The following MAP3K4 variants were observed in gnomAD, a reference collection of about 807,000 sequenced individuals.
The protein encoded by MAP3K4 is mitogen-activated protein kinase kinase kinase 4, also known as MAP three kinase 1.
In MAP3K4, 67 loss-of-function variants were observed where a neutral mutation model predicts 185.6. The ratio of observed to expected loss-of-function variants is 0.36; its 90% confidence interval spans 0.30 to 0.44. The LOEUF (loss-of-function observed/expected upper bound fraction) is 0.44, where lower values mean the gene tolerates loss of function less well. MAP3K4 is among the 20% of genes least tolerant of loss of function. The probability of loss-of-function intolerance (pLI) is 1.00; values close to 1 mark genes in which losing one functional copy is unlikely to be tolerated. For synonymous variants in MAP3K4, 702 were observed against 710.4 expected, an observed-to-expected ratio of 0.99 and a Z score of 0.19; for missense variants, 1,551 against 1,995.1, an observed-to-expected ratio of 0.78 and a Z score of 4.24.
At position 161,096,998 on chromosome 6, in the gene MAP3K4, T is replaced by C. The variant is rs933047623; in HGVS notation, c.3428-82T>C. ...TCATTGGCCAGAATAAGTGACATTC[T>C]ATTTTCCATTTGACTGTTTGGTTTG... On this transcript the variant is annotated intron_variant, in intron 15 of 26. Coordinates refer to ENST00000392142, the MANE Select transcript of MAP3K4 (RefSeq NM_005922.4). This position sits in a 1 kb window ranked among gnomAD's most constrained non-coding sequence, Gnocchi z 4.9. The C allele has an allele frequency of 7.0e-6, 8 of 1,136,594 alleles. No individual in the cohort carries two copies. In the African/African-American group the frequency reaches 1.2e-4, roughly 17 times the overall value. 70.4% of individuals were successfully genotyped at this position (1,136,594 alleles called of 1,614,324 possible).
chr6:161,091,400 A>T lies in MAP3K4; in HGVS notation c.2995A>T (p.Asn999Tyr), dbSNP rs1187819652. The change falls in exon 12 of 27, where the codon AAC (asparagine) becomes TAC (tyrosine). Residue 999 changes from asparagine (N) to tyrosine (Y), a missense_variant. Asn to Tyr is a moderately radical substitution (Grantham distance 143). Around this residue, in one of 16 missense-constraint regions of MAP3K4, gnomAD observed 261 missense variants for 306.5 expected, o/e 0.85. Transcript: ENST00000392142. The surrounding 1 kb of genome is among the most constrained non-coding windows in gnomAD (Gnocchi z 5.5). Reference sequence around the variant, plus strand: ...TCAGAATGATGCATTGGAGCTATGCAACAGGATAAGCAATGCCATTGACCG... The same window carrying T: ...TCAGAATGATGCATTGGAGCTATGCTACAGGATAAGCAATGCCATTGACCG... The part of the protein sequence containing the change: ...QLKNDALELC[N>Y]RISNAIDRVD... The T allele has an allele frequency of 2.5e-6, 4 of 1,613,958 alleles. No homozygotes were observed. Among genetic ancestry groups the T allele is most frequent in the Non-Finnish European group, 3.4e-6 (4 of 1,179,954 alleles).
intron 2 of MAP3K4, among the ~76,000 whole-genome samples, chr6:161,044,377 T>A (rs1783623226): frequency 6.6e-6 from 1 of 152,232 alleles, no homozygotes; most frequent in South Asian, 2.1e-4. Context: ...AGGAATTTAG[T>A]ATTAATAGGA....
At chr6:161,068,841 C>T (rs1784814363) in intron 3 of MAP3K4, among the ~76,000 whole-genome samples, 1 of 152,208 alleles carries the variant, frequency 6.6e-6, no homozygotes, top group South Asian at 2.1e-4. Context: ...AACACAGAAA[C>T]AGGGAATCAT....
Position 161,093,967 on chromosome 6 carries a change from A to G in MAP3K4, c.3427+116A>G. 2 of 716,746 alleles carry G rather than the reference A, an allele frequency of 2.8e-6. No homozygotes were observed. Among genetic ancestry groups the G allele is most frequent in the South Asian group, 1.9e-5 (1 of 53,302 alleles). 44.4% of individuals were successfully genotyped at this position (716,746 alleles called of 1,614,324 possible). A position where few individuals can be genotyped will look rare whatever the true frequency, so the allele number is the denominator to read the frequency against. On this transcript the variant is annotated intron_variant, in intron 15 of 26. Coordinates refer to ENST00000392142, the MANE Select transcript of MAP3K4 (RefSeq NM_005922.4). The surrounding 1 kb of genome is among the most constrained non-coding windows in gnomAD (Gnocchi z 5.2). ...GAGGTGTTTTAACAGTATTCAGGAA[A>G]ACGACAATGAGAGGGACAGAAATGA...
intron 3 of MAP3K4, among the ~76,000 whole-genome samples, chr6:161,058,949 T>G (rs1188159548): frequency 6.6e-6 from 1 of 152,208 alleles, no homozygotes; most frequent in Non-Finnish European, 1.5e-5. Flanking sequence ...CTGTTGTTTT[T>G]GTAAGAATGC....
chr6:161,016,322 A>G (rs1220000060), intron 1 of MAP3K4, among the ~76,000 whole-genome samples: 2 of 151,474 alleles, frequency 1.3e-5, no homozygotes, highest in Non-Finnish European at 2.9e-5. Flanking sequence ...TACTTTCTTG[A>G]TTGTGTCTTT....
intron 1 of MAP3K4, among the ~76,000 whole-genome samples, chr6:161,012,775 A>C (rs1221977516): frequency 6.6e-6 from 1 of 152,182 alleles, no homozygotes; most frequent in Non-Finnish European, 1.5e-5. Context: ...AGATCACAGG[A>C]ATGATTAATT....
chr6:161,070,569 A>G lies in MAP3K4; in HGVS notation c.1708-39A>G, dbSNP rs2114814503. The G allele has an allele frequency of 6.3e-7, 1 of 1,593,952 alleles. No homozygotes were observed. The highest frequency in any genetic ancestry group is 8.6e-7 in the Non-Finnish European group (1 of 1,168,914). ...CCACAACCGTAGAACGTTGTCTCGT[A>G]TGCTCTTTTAATCTGTGCCTGTTGA... On this transcript the variant is annotated intron_variant, in intron 3 of 26. Coordinates refer to ENST00000392142, the MANE Select transcript of MAP3K4 (RefSeq NM_005922.4). The surrounding 1 kb of genome is among the most constrained non-coding windows in gnomAD (Gnocchi z 4.5).
intron 3 of MAP3K4, among the ~76,000 whole-genome samples, chr6:161,058,002 A>G (rs965126029): frequency 6.6e-6 from 1 of 152,264 alleles, no homozygotes; most frequent in African/African-American, 2.4e-5. Context: ...TGATAACAAC[A>G]GCACAATAGT....
Position 161,034,487 on chromosome 6 carries a change from G to A in MAP3K4, c.343+38G>A. ...CTTGAAAAGAGGTGTACATGAGAGG[G>A]TATGGCACTTGATTGATTCTTTCAA... On this transcript the variant is annotated intron_variant, in intron 2 of 26. Coordinates refer to ENST00000392142, the MANE Select transcript of MAP3K4 (RefSeq NM_005922.4). The surrounding 1 kb of genome is among the most constrained non-coding windows in gnomAD (Gnocchi z 4.4). The A allele has an allele frequency of 1.4e-6, 2 of 1,478,986 alleles. No homozygotes were observed. Among genetic ancestry groups the A allele is most frequent in the Non-Finnish European group, 1.9e-6 (2 of 1,079,006 alleles). The allele number at this position is 1,478,986 out of a possible 1,614,324, so 91.6% of individuals were successfully genotyped here.
intron 1 of MAP3K4, among the ~76,000 whole-genome samples, chr6:160,994,481 T>G (rs1377674353): frequency 1.3e-5 from 2 of 152,228 alleles, no homozygotes; most frequent in Non-Finnish European, 2.9e-5. Flanking sequence ...GTTTCATGGC[T>G]GAGTAGTAGT....
chr6:161,104,818 G>A (rs1436886667), intron 19 of MAP3K4, among the ~76,000 whole-genome samples: 1 of 152,056 alleles, frequency 6.6e-6, no homozygotes, highest in Admixed American at 6.5e-5. Context: ...GCCCTGTGCT[G>A]GGTAGATTTG....
chr6:161,059,861 C>T (rs954173508), intron 3 of MAP3K4, among the ~76,000 whole-genome samples: 2 of 73,068 alleles, frequency 2.7e-5, no homozygotes, highest in Non-Finnish European at 6.7e-5. Context: ...ATTCCCCCTG[C>T]CTTTTTTTTT....
chr6:161,075,947 G>T lies in MAP3K4; in HGVS notation c.2097+2335G>T, dbSNP rs765616611. Among the ~76,000 whole-genome samples the T allele has an allele frequency of 2.0e-5, 3 of 152,082 alleles. No individual in the cohort carries two copies. Among genetic ancestry groups the T allele is most frequent in the Non-Finnish European group, 2.9e-5 (2 of 68,020 alleles). ...ACAAAATCAGTGTTTCTATTAGGAA[G>T]GAAGGAAAGAACAGCAATTGAATTG... is the stretch of plus-strand genomic sequence containing the variant. On this transcript the variant is annotated intron_variant, in intron 5 of 26. Transcript: ENST00000392142. The surrounding 1 kb of genome is among the most constrained non-coding windows in gnomAD (Gnocchi z 4.3).
intron 1 of MAP3K4, among the ~76,000 whole-genome samples, chr6:161,011,657 G>A (rs1433033619): frequency 6.6e-6 from 1 of 152,130 alleles, no homozygotes; most frequent in Admixed American, 6.6e-5. Flanking sequence ...GCCCTTAGAG[G>A]TTTACTTGGC....
chr6:161,018,203 G>C (rs1420568133), intron 1 of MAP3K4, among the ~76,000 whole-genome samples: 1 of 152,198 alleles, frequency 6.6e-6, no homozygotes, highest in Non-Finnish European at 1.5e-5. Flanking sequence ...GTTGGAAGTT[G>C]AGGTTGGAGT....
chr6:161,100,238 A>G lies in MAP3K4; in HGVS notation c.3675-1654A>G, dbSNP rs2114891422. On this transcript the variant is annotated intron_variant, in intron 17 of 26. Coordinates refer to ENST00000392142, the MANE Select transcript of MAP3K4 (RefSeq NM_005922.4). The surrounding 1 kb of genome is among the most constrained non-coding windows in gnomAD (Gnocchi z 5.8). ...ACTGCTCCCGAGGCAGACTTCACAT[A>G]CCCAAGGGCTTGTGTCTCAACACAG... 6.6e-6 allele frequency among the ~76,000 whole-genome samples: 1 copy of G among 152,198 alleles called. No individual in the cohort carries two copies. Among genetic ancestry groups the G allele is most frequent in the East Asian group, 1.9e-4 (1 of 5,172 alleles).
In MAP3K4 at chr6:161,089,421, G is replaced by C. The variant is rs1410791221; in HGVS notation, c.2923G>C (p.Glu975Gln). 1 of 1,614,178 alleles carries C rather than the reference G, an allele frequency of 6.2e-7. No homozygotes were observed. Among genetic ancestry groups the C allele is most frequent in the South Asian group, 1.1e-5 (1 of 91,082 alleles). ...TGAGGGACTTATGACTCTGTGCCAGGAGCAGACATCCAGTCAGCCGGTCAT... is the reference window on the plus strand; with the variant it reads ...TGAGGGACTTATGACTCTGTGCCAGCAGCAGACATCCAGTCAGCCGGTCAT... ...SIEGLMTLCQ[E>Q]QTSSQPVIAK... The change falls in exon 11 of 27, where the codon GAG becomes CAG. Residue 975 changes from glutamate to glutamine, a missense_variant. By Grantham distance (29) the Glu-to-Gln change is conservative. This residue lies in a region of MAP3K4 where 261 missense variants were observed against 306.5 expected (regional missense o/e 0.85). Transcript: ENST00000392142.
chr6:161,082,371 A>G lies in MAP3K4; in HGVS notation c.2255+1333A>G, dbSNP rs1351140294. ...TTTTTAAAGGTTACTCTTTAGTTTC[A>G]CTACAAATTCATGTTGTTTAGTGTC... On this transcript the variant is annotated intron_variant, in intron 6 of 26. Transcript: ENST00000392142. This position sits in a 1 kb window ranked among gnomAD's most constrained non-coding sequence, Gnocchi z 4.2. 6.6e-6 allele frequency among the ~76,000 whole-genome samples: 1 copy of G among 151,940 alleles called. No individual in the cohort carries two copies. Among genetic ancestry groups the G allele is most frequent in the Non-Finnish European group, 1.5e-5 (1 of 67,988 alleles).
Sources: allele counts gnomAD v4.1 joint callset (sites outside exome capture counted in the v4.1 genomes callset), GRCh38; gene constraint gnomAD v4.1.1; regional missense constraint gnomAD v4.1.1; non-coding constraint Gnocchi (gnomAD v3.1); transcripts MANE v1.5; gene names NCBI Gene and HGNC (gene_info 2026-07-23, HGNC 2026-07-21).